The following ADGRL2 variants were observed in gnomAD, a reference collection of about 807,000 sequenced individuals.
ADGRL2 encodes the protein adhesion G protein-coupled receptor L2.
In ADGRL2, 44 loss-of-function variants were observed where a neutral mutation model predicts 157.4. That is an observed-to-expected ratio of 0.28 (90% confidence interval 0.22 to 0.36). The LOEUF is 0.36. Among genes scored for constraint, ADGRL2 ranks in the 10% least tolerant of loss-of-function variants. ADGRL2 has a pLI of 1.00. For missense variants in ADGRL2, 1,510 were observed against 1,768.9 expected, an observed-to-expected ratio of 0.85 and a Z score of 2.63; for synonymous variants, 585 against 624.7, an observed-to-expected ratio of 0.94 and a Z score of 0.95.
intron 9 of ADGRL2, 140 bp downstream of exon 9, chr1:81,952,282 A>G: frequency 3.4e-6 from 2 of 593,128 alleles, no homozygotes; most frequent in South Asian, 5.5e-5. Context: ...CATTTTTCCA[A>G]GGAAGAATTA....
intron 1 of ADGRL2, among the ~76,000 whole-genome samples, chr1:81,375,962 T>A (rs2076241413): frequency 6.6e-6 from 1 of 152,208 alleles, no homozygotes; most frequent in African/African-American, 2.4e-5. Flanking sequence ...ACTTACTAAC[T>A]TTAATAAAAT....
intron 2 of ADGRL2, among the ~76,000 whole-genome samples, chr1:81,474,237 G>A (rs2078228479): frequency 6.6e-6 from 1 of 152,308 alleles, no homozygotes; most frequent in South Asian, 2.1e-4. Flanking sequence ...ATATGCCTGA[G>A]TTTAGCGGCA....
rs577221287 is a variant in ADGRL2, at chr1:81,635,036, C to T, written c.-143+54056C>T. 3.3e-5 allele frequency among the ~76,000 whole-genome samples: 5 copies of T among 152,308 alleles called. No homozygotes were observed. The South Asian group carries it at 8.3e-4, about 25-fold the overall frequency. On this transcript the variant is annotated intron_variant, in intron 3 of 24. Coordinates refer to the ADGRL2 transcript ENST00000370721. Reference sequence around the variant, plus strand: ...TGGGGCTTAACACCCAAGAATTATACTCAACCAGTGAGATAGGGGAGAAGG... The same window carrying T: ...TGGGGCTTAACACCCAAGAATTATATTCAACCAGTGAGATAGGGGAGAAGG...
At position 81,987,023 on chromosome 1, in the gene ADGRL2, T is replaced by C; in HGVS notation, c.3631T>C (p.Ser1211Pro). Residue 1211 changes from serine to proline, a missense_variant, in exon 22 of 24, where the codon TCA (serine) becomes CCA (proline). Physicochemically the swap from Ser to Pro is moderately conservative, Grantham distance 74. Around this residue, in one of 4 missense-constraint regions of ADGRL2, gnomAD observed 327 missense variants for 310.1 expected, o/e 1.05. Transcript: ENST00000686636. ...TGCCCCTTCAGCTCCTGTATTTAAC[T>C]CACCAGGTGTGCTTTACTTACAAAT... ...CNAPSAPVFN[S>P]PATYRETRHS... The C allele has an allele frequency of 2.5e-6, 4 of 1,610,938 alleles. No homozygotes were observed. The highest frequency in any genetic ancestry group is 3.4e-6 in the Non-Finnish European group (4 of 1,179,018).
chr1:81,396,024 G>T (rs2076649167), intron 1 of ADGRL2, among the ~76,000 whole-genome samples: 2 of 152,022 alleles, frequency 1.3e-5, no homozygotes, highest in Admixed American at 1.3e-4. Context: ...GTCTCTTGAG[G>T]TTCCATATTA....
At chr1:81,823,427 C>T (rs1295691919) in intron 1 of ADGRL2, among the ~76,000 whole-genome samples, 1 of 143,578 alleles carries the variant, frequency 7.0e-6, no homozygotes, top group Middle Eastern at 3.5e-3. Context: ...CCCCCTACCT[C>T]TGTCCCTCTC....
At chr1:81,561,909 A>T (rs780639904) in intron 2 of ADGRL2, among the ~76,000 whole-genome samples, 2 of 152,166 alleles carry the variant, frequency 1.3e-5, no homozygotes, top group Non-Finnish European at 2.9e-5. Flanking sequence ...GCTTTGTTTC[A>T]TTGTTATTCT....
intron 3 of ADGRL2, among the ~76,000 whole-genome samples, chr1:81,636,255 A>G (rs1417556528): frequency 6.6e-6 from 1 of 152,244 alleles, no homozygotes; most frequent in Non-Finnish European, 1.5e-5. Flanking sequence ...AACAAAGTGT[A>G]TATATATGTG....
At chr1:81,967,384 C>T (rs1657419061) in intron 13 of ADGRL2, among the ~76,000 whole-genome samples, 1 of 151,998 alleles carries the variant, frequency 6.6e-6, no homozygotes, top group African/African-American at 2.4e-5. Context: ...GCCTCAGCCT[C>T]CCGAGTAGCT....
intron 10 of ADGRL2, among the ~76,000 whole-genome samples, chr1:81,953,436 T>TAA (rs1652488880): frequency 1.3e-5 from 2 of 152,200 alleles, no homozygotes; most frequent in Non-Finnish European, 2.9e-5. Context: ...TTCTTATCTT[T>TAA]GTGGTATACT....
chr1:81,927,317 A>C (rs1264169312), intron 3 of ADGRL2, among the ~76,000 whole-genome samples: 1 of 152,000 alleles, frequency 6.6e-6, no homozygotes, highest in Non-Finnish European at 1.5e-5. Context: ...TTATGTTTAC[A>C]CATTGAAAGT....
chr1:81,633,206 A>G (rs752631408), intron 3 of ADGRL2, among the ~76,000 whole-genome samples: 13 of 152,146 alleles, frequency 8.5e-5, no homozygotes, highest in Non-Finnish European at 1.5e-4. Context: ...ATATGAGTGA[A>G]TGGATAAGGT....
At chr1:81,744,937 C>A (rs894091798) in intron 1 of ADGRL2, among the ~76,000 whole-genome samples, 3 of 152,134 alleles carry the variant, frequency 2.0e-5, no homozygotes, top group Non-Finnish European at 4.4e-5. Context: ...ATAGCCCTTG[C>A]AACTCATTTG....
intron 3 of ADGRL2, among the ~76,000 whole-genome samples, chr1:81,669,461 G>C (rs1179631476): frequency 7.9e-6 from 1 of 126,652 alleles, no homozygotes; most frequent in Non-Finnish European, 1.7e-5. Context: ...GCTACTAAAT[G>C]TGCATTCATT....
intron 18 of ADGRL2, 89 bp downstream of exon 18, chr1:81,980,049 A>C: frequency 1.4e-6 from 1 of 716,994 alleles, no homozygotes; most frequent in Non-Finnish European, 2.4e-6. Flanking sequence ...ACCTTCTATC[A>C]ACTGTAGAAA....
chr1:81,600,487 T>C (rs1460531957), intron 3 of ADGRL2, among the ~76,000 whole-genome samples: 7 of 152,186 alleles, frequency 4.6e-5, no homozygotes, highest in South Asian at 2.1e-4. Flanking sequence ...CGCAGAGAGA[T>C]GCCCCAGGCA....
At chr1:81,321,371 T>C (rs1007350042) in intron 1 of ADGRL2, among the ~76,000 whole-genome samples, 8 of 152,208 alleles carry the variant, frequency 5.3e-5, no homozygotes, top group Non-Finnish European at 1.0e-4. Context: ...TCCTTTGCAT[T>C]CCCAAGTTGG....
chr1:81,993,083 ATATATTTTTTTTTTTT>A lies in ADGRL2; in HGVS notation c.*1940_*1955del, dbSNP rs1304707667. Reference sequence around the variant, plus strand: ...CATATATATATATATATATATATATATATATTTTTTTTTTTTTTTTTTTTTTTTTTTTTTTTGGGAC... The same window carrying A: ...CATATATATATATATATATATATATATTTTTTTTTTTTTTTTTTTTGGGAC... On this transcript the variant is annotated 3_prime_UTR_variant, in exon 24 of 24. Transcript: ENST00000686636. 6.1e-4 allele frequency among the ~76,000 whole-genome samples: 19 copies of A among 31,054 alleles called. No homozygotes were observed. In the South Asian group the frequency reaches 7.9e-3, roughly 13 times the overall value. The allele number at this position is 31,054 out of a possible 152,430, so 20.4% of individuals were successfully genotyped here. A position where few individuals can be genotyped will look rare whatever the true frequency, so the allele number is the denominator to read the frequency against.
chr1:81,401,930 G>A, intron 1 of ADGRL2, among the ~76,000 whole-genome samples: 1 of 152,144 alleles, frequency 6.6e-6, no homozygotes, highest in East Asian at 1.9e-4. Context: ...CAGCCATAGA[G>A]AAGAAAATAA....
Sources: gnomAD v4.1 joint callset for allele counts (sites outside exome capture counted in the v4.1 genomes callset) on GRCh38, gnomAD v4.1.1 for gene constraint, gnomAD v4.1.1 regional missense constraint, MANE v1.5 for transcripts, NCBI Gene and HGNC (gene_info 2026-07-23, HGNC 2026-07-21) for gene names.